SMAD2: variants seen among roughly 807,000 people sequenced by gnomAD.
The protein encoded by SMAD2 is SMAD family member 2, also known as MAD homolog 2.
Under a neutral mutation model 64.4 loss-of-function variants are expected in SMAD2, and 8 were observed. The ratio of observed to expected loss-of-function variants is 0.12; its 90% CI spans 0.07 to 0.22. The LOEUF (loss-of-function observed/expected upper bound fraction) is 0.22, where lower values mean the gene tolerates loss of function less well. SMAD2 is among the 10% of genes least tolerant of loss of function. The pLI is 1.00. For missense variants in SMAD2, 289 were observed against 561.2 expected (o/e 0.51, Z 4.90); for synonymous variants, 203 against 195.8 (o/e 1.04, Z -0.31).
intron 3 of SMAD2, among the ~76,000 whole-genome samples, chr18:47,869,742 CTT>C (rs2031818543): frequency 6.6e-6 from 1 of 152,134 alleles, no homozygotes; most frequent in Non-Finnish European, 1.5e-5. Flanking sequence ...ACTTGAAAAA[CTT>C]TGTCAACTTC....
chr18:47,928,883 G>C (rs2034876328), intron 1 of SMAD2, among the ~76,000 whole-genome samples: 2 of 152,178 alleles, frequency 1.3e-5, no homozygotes, highest in Admixed American at 6.5e-5. Context: ...ATCCAGCAGA[G>C]TTTAATATTT....
chr18:47,893,589 G>A (rs561420076), intron 2 of SMAD2, among the ~76,000 whole-genome samples: 98 of 152,174 alleles, frequency 6.4e-4, no homozygotes, highest in African/African-American at 2.3e-3. Context: ...CTAAGGTTTG[G>A]ATTTAGCCAT....
rs186497994 is a variant in SMAD2, at chr18:47,926,526, C to A, written c.-54+3835G>T. Among the ~76,000 whole-genome samples the A allele has an allele frequency of 5.3e-5, 8 of 152,304 alleles. No individual in the cohort carries two copies. In the South Asian group the frequency reaches 8.3e-4, roughly 16 times the overall value. On this transcript the variant is annotated intron_variant, in intron 1 of 10. Coordinates refer to ENST00000262160, the MANE Select transcript of SMAD2 (RefSeq NM_005901.6). ...TACTCCCCAGCCCCCACCACACCCC[C>A]TCTAAGCCTCCCACAGTACCCATAA...
At chr18:47,919,962 T>G (rs1219253773) in intron 1 of SMAD2, 1 of 152,284 alleles carries the variant, frequency 6.6e-6, no homozygotes, top group Admixed American at 6.5e-5. Context: ...TTAAATTTTC[T>G]ATCAGCCACA....
At chr18:47,850,132 A>G (rs1318302643) in intron 7 of SMAD2, among the ~76,000 whole-genome samples, 1 of 134,158 alleles carries the variant, frequency 7.5e-6, no homozygotes, top group African/African-American at 2.8e-5. Flanking sequence ...CATGGTTATG[A>G]AGGGACCATA....
At chr18:47,859,392 G>T (rs1024830696) in intron 6 of SMAD2, among the ~76,000 whole-genome samples, 1 of 151,928 alleles carries the variant, frequency 6.6e-6, no homozygotes, top group Admixed American at 6.6e-5. Flanking sequence ...ACTATATATG[G>T]AACTCTTATC....
chr18:47,836,144 T>C lies in SMAD2; in HGVS notation c.*5683A>G, dbSNP rs1251267947. ...GAGAATCTTGGAAAATCCATTTATA[T>C]TGAGCAAAGATCTGAATCACCTTCA... is the stretch of plus-strand genomic sequence containing the variant. On this transcript the variant is annotated 3_prime_UTR_variant, in exon 11 of 11. Coordinates refer to ENST00000262160, the MANE Select transcript of SMAD2 (RefSeq NM_005901.6). 9.1e-6 allele frequency: 2 copies of C among 219,642 alleles called. No individual in the cohort carries two copies. The highest frequency in any genetic ancestry group is 5.8e-5 in the Admixed American group (1 of 17,296). 13.6% of individuals were successfully genotyped at this position (219,642 alleles called of 1,614,324 possible). A position where few individuals can be genotyped will look rare whatever the true frequency, so the allele number is the denominator to read the frequency against.
chr18:47,850,307 G>GTATAATATATATTATGTATAA (rs71162895), intron 7 of SMAD2, among the ~76,000 whole-genome samples: 7 of 20,994 alleles, frequency 3.3e-4, no homozygotes, highest in Non-Finnish European at 4.5e-4. Flanking sequence ...TATATATTAT[G>GTATAATATATATTATGTATAA]TATGTTATAT....
At chr18:47,894,980 G>C (rs2033370983) in intron 2 of SMAD2, among the ~76,000 whole-genome samples, 1 of 152,150 alleles carries the variant, frequency 6.6e-6, no homozygotes, top group African/African-American at 2.4e-5. Context: ...CACCACGCCA[G>C]TCCAGCCTCT....
At chr18:47,863,630 C>T (rs147820334) in intron 6 of SMAD2, among the ~76,000 whole-genome samples, 107 of 152,250 alleles carry the variant, frequency 7.0e-4, no homozygotes, top group African/African-American at 2.5e-3. Flanking sequence ...GCTATACTGT[C>T]ATTCCTTTAC....
intron 6 of SMAD2, among the ~76,000 whole-genome samples, chr18:47,860,925 C>T (rs546120821): frequency 1.3e-5 from 2 of 151,942 alleles, no homozygotes; most frequent in African/African-American, 2.4e-5. Context: ...TAACATCATA[C>T]TTAAAGGGGG....
rs1913761706 is a variant in SMAD2 at position 47,839,718 on chromosome 18, G to A, written c.*2109C>T. 1 of 233,360 alleles carries A rather than the reference G, an allele frequency of 4.3e-6. No homozygotes were observed. Among genetic ancestry groups the A allele is most frequent in the African/African-American group, 2.2e-5 (1 of 45,460 alleles). The allele number at this position is 233,360 out of a possible 1,614,324, so 14.5% of individuals were successfully genotyped here. ...TCTTCAAGTTTGGATTTGTATAGAG[G>A]TTTCTGTATAAAGCATTAATACCTA... On this transcript the variant is annotated 3_prime_UTR_variant, in exon 11 of 11. Coordinates refer to ENST00000262160, the MANE Select transcript of SMAD2 (RefSeq NM_005901.6).
Position 47,839,208 on chromosome 18 carries a change from GA to G in SMAD2, c.*2618del, listed in dbSNP as rs1913713739. ...CATACTGTACAGAAAAATCGCATCA[GA>G]ACTGTAGAGATGCGCTCCACTACTG... On this transcript the variant is annotated 3_prime_UTR_variant, in exon 11 of 11. Coordinates refer to ENST00000262160, the MANE Select transcript of SMAD2 (RefSeq NM_005901.6). 4.3e-6 allele frequency: 1 copy of G among 233,174 alleles called. No individual in the cohort carries two copies. Among genetic ancestry groups the G allele is most frequent in the African/African-American group, 2.2e-5 (1 of 45,296 alleles). The allele number at this position is 233,174 out of a possible 1,614,324, so 14.4% of individuals were successfully genotyped here. A position where few individuals can be genotyped will look rare whatever the true frequency, so the allele number is the denominator to read the frequency against.
At chr18:47,858,005 A>G (rs1440735919) in intron 6 of SMAD2, among the ~76,000 whole-genome samples, 1 of 152,208 alleles carries the variant, frequency 6.6e-6, no homozygotes. Context: ...TCAAATCCTA[A>G]GGGCAGGGAA....
chr18:47,852,140 T>C (rs1229807786), intron 6 of SMAD2, among the ~76,000 whole-genome samples: 2 of 152,210 alleles, frequency 1.3e-5, no homozygotes, highest in Non-Finnish European at 2.9e-5. Flanking sequence ...TCTTTTGCGA[T>C]GTTGATCATT....
rs1912470883 is a variant in SMAD2 at position 47,819,009 on chromosome 18, A to G, written c.*22818T>C. ...TAGGTGTGTTTACACATATGTATAT[A>G]TATGTTGTATGTTGTGTCTACGTGG... On this transcript the variant is annotated 3_prime_UTR_variant, in exon 11 of 11. Coordinates refer to ENST00000262160, the MANE Select transcript of SMAD2 (RefSeq NM_005901.6). 6.6e-6 allele frequency: 1 copy of G among 152,246 alleles called. No homozygotes were observed. Among genetic ancestry groups the G allele is most frequent in the Admixed American group, 6.5e-5 (1 of 15,290 alleles). The allele number at this position is 152,246 out of a possible 1,614,324, so 9.4% of individuals were successfully genotyped here.
chr18:47,841,799 C>T lies in SMAD2; in HGVS notation c.*28G>A, dbSNP rs1913979097. The stretch of plus-strand genomic sequence containing the variant: ...TGACAGAAGAGTTGTTACATTAAGT[C>T]TTTTCATGGGACTTGATTGGTGAAG... On this transcript the variant is annotated 3_prime_UTR_variant, in exon 11 of 11. Coordinates refer to ENST00000262160, the MANE Select transcript of SMAD2 (RefSeq NM_005901.6). 1.2e-6 allele frequency: 2 copies of T among 1,613,880 alleles called. No homozygotes were observed. Among genetic ancestry groups the T allele is most frequent in the African/African-American group, 1.3e-5 (1 of 75,058 alleles).
At chr18:47,879,486 T>G (rs968625546) in intron 2 of SMAD2, among the ~76,000 whole-genome samples, 1 of 95,384 alleles carries the variant, frequency 1.0e-5, no homozygotes, top group African/African-American at 3.4e-5. Flanking sequence ...TCCATGTTAA[T>G]GTATATGACG....
Position 47,849,487 on chromosome 18 carries a change from G to GTA in SMAD2, c.785-802_785-801dup, listed in dbSNP as rs10584029. 7.5e-3 allele frequency among the ~76,000 whole-genome samples: 1,110 copies of GTA among 148,338 alleles called. 12 individuals carry two copies. Among genetic ancestry groups the GTA allele is most frequent in the African/African-American group, 0.025 (998 of 40,174 alleles). ...TAATAATAGTAATACAGAAATGTAT[G>GTA]TATATATATATATATATATATAGTC... On this transcript the variant is annotated intron_variant, in intron 7 of 10. Coordinates refer to ENST00000262160, the MANE Select transcript of SMAD2 (RefSeq NM_005901.6).
Sources: gnomAD v4.1 joint callset for allele counts (sites outside exome capture counted in the v4.1 genomes callset) on GRCh38, gnomAD v4.1.1 for gene constraint, MANE v1.5 for transcripts, NCBI Gene and HGNC (gene_info 2026-07-23, HGNC 2026-07-21) for gene names.